The following AFAP1 variants were observed in gnomAD, a reference collection of about 807,000 sequenced individuals.
The protein encoded by AFAP1 is actin filament-associated protein 1.
A neutral mutation model predicts 93.9 loss-of-function variants in AFAP1; 75 were observed. The observed-to-expected ratio is 0.80, with a 90% confidence interval of 0.66 to 0.97. AFAP1 has a LOEUF of 0.97. Among genes scored for constraint, AFAP1 ranks in the 50% least tolerant of loss-of-function variants. AFAP1 has a pLI of 0.00. For missense variants in AFAP1, 1,201 were observed against 1,050.8 expected (o/e 1.14, Z -1.98); for synonymous variants, 517 against 430.7 (o/e 1.20, Z -2.48).
chr4:7,840,269 T>TGTGTGTGTGC (rs1553844352), intron 5 of AFAP1, among the ~76,000 whole-genome samples: 1,688 of 130,264 alleles, frequency 0.013, 44 homozygotes, highest in African/African-American at 0.043. Context: ...GGGATGTGTG[T>TGTGTGTGTGC]GTGTGTGTGT....
intron 9 of AFAP1, among the ~76,000 whole-genome samples, chr4:7,804,411 G>A (rs1719321091): frequency 6.6e-6 from 1 of 152,218 alleles, no homozygotes; most frequent in African/African-American, 2.4e-5. Context: ...AATGTTTTCT[G>A]CTAATTTCTG....
chr4:7,878,649 A>G (rs1484011436), intron 1 of AFAP1, among the ~76,000 whole-genome samples: 3 of 152,248 alleles, frequency 2.0e-5, no homozygotes, highest in African/African-American at 7.2e-5. Context: ...GCTACCGTTA[A>G]GTACTGACCA....
chr4:7,797,331 A>G (rs1718526880), intron 10 of AFAP1, among the ~76,000 whole-genome samples: 1 of 152,200 alleles, frequency 6.6e-6, no homozygotes, highest in South Asian at 2.1e-4. Flanking sequence ...ATCTTCCCAC[A>G]TGAGACTTAG....
rs537337056 is a variant in AFAP1 at position 7,888,552 on chromosome 4, G to A, written c.-2-16472C>T. Among the ~76,000 whole-genome samples, 8 of 152,204 alleles carry A rather than the reference G, an allele frequency of 5.3e-5. No homozygotes were observed. The East Asian group carries it at 7.7e-4, about 15-fold the overall frequency. ...TTAAAAGATGCAAACTTTCAGAAAC[G>A]GAAAAGAATAAACAGACTATCTGAA... is the stretch of plus-strand genomic sequence containing the variant. On this transcript the variant is annotated intron_variant, in intron 1 of 17. Coordinates refer to ENST00000420658, the MANE Select transcript of AFAP1 (RefSeq NM_001134647.2).
intron 1 of AFAP1, among the ~76,000 whole-genome samples, chr4:7,916,570 C>G (rs11932843): frequency 0.88 from 134,385 of 152,216 alleles, 59,561 homozygotes; most frequent in African/African-American, 0.96. Flanking sequence ...GCTGATTATA[C>G]GTGAAGCCCT....
Position 7,759,064 on chromosome 4 carries a change from ATAAT to A in AFAP1, c.*4697_*4700del, listed in dbSNP as rs1471653893. The A allele has an allele frequency of 6.5e-6, 1 of 152,690 alleles. No individual in the cohort carries two copies. Among genetic ancestry groups the A allele is most frequent in the Non-Finnish European group, 1.5e-5 (1 of 68,044 alleles). 9.5% of individuals were successfully genotyped at this position (152,690 alleles called of 1,614,324 possible). A position where few individuals can be genotyped will look rare whatever the true frequency, so the allele number is the denominator to read the frequency against. Reference sequence around the variant, plus strand: ...AGCTTTTAAAAAATACAATAAGGAAATAATTACATTCTTAATATGAAAACATTTT... The same window carrying A: ...AGCTTTTAAAAAATACAATAAGGAAATACATTCTTAATATGAAAACATTTT... On this transcript the variant is annotated 3_prime_UTR_variant, in exon 18 of 18. Coordinates refer to ENST00000420658, the MANE Select transcript of AFAP1 (RefSeq NM_001134647.2).
intron 1 of AFAP1, among the ~76,000 whole-genome samples, chr4:7,877,064 G>GGATGCTGCTGGA (rs1257346874): frequency 6.6e-6 from 1 of 152,132 alleles, no homozygotes; most frequent in Non-Finnish European, 1.5e-5. Flanking sequence ...TGTAGCAGCT[G>GGATGCTGCTGGA]TACTGATGAC....
At chr4:7,857,719 G>A (rs1006411564) in intron 3 of AFAP1, among the ~76,000 whole-genome samples, 9 of 152,232 alleles carry the variant, frequency 5.9e-5, no homozygotes, top group African/African-American at 2.2e-4. Flanking sequence ...TGAAACGCAG[G>A]GTATTCCAAA....
intron 1 of AFAP1, among the ~76,000 whole-genome samples, chr4:7,908,786 G>A (rs147392837): frequency 2.9e-4 from 44 of 152,348 alleles, no homozygotes; most frequent in African/African-American, 1.0e-3. Flanking sequence ...TCTGGATGAT[G>A]CATAGTTAAC....
chr4:7,902,384 T>G (rs1320074), intron 1 of AFAP1, among the ~76,000 whole-genome samples: 68,466 of 152,038 alleles, frequency 0.45, 18,008 homozygotes, highest in Non-Finnish European at 0.61. Context: ...TTCCTAAAAT[T>G]ATGGGTAATT....
Position 7,867,075 on chromosome 4 carries a change from A to AGGGAG in AFAP1, c.225+1542_225+1546dup, listed in dbSNP as rs1168858873. 4.3e-4 allele frequency among the ~76,000 whole-genome samples: 33 copies of AGGGAG among 77,556 alleles called. 1 individual carries two copies. In the East Asian group the frequency reaches 0.014, roughly 33 times the overall value. The allele number at this position is 77,556 out of a possible 152,430, so 50.9% of individuals were successfully genotyped here. On this transcript the variant is annotated intron_variant, in intron 3 of 17. Transcript: ENST00000420658. ...AGATGAAAGAGGGGAGGGGAGGAGA[A>AGGGAG]GGGAGGGGAGGAGAGGGGAGGAGAG...
intron 4 of AFAP1, among the ~76,000 whole-genome samples, chr4:7,846,054 A>G (rs1713655489): frequency 6.6e-6 from 1 of 152,208 alleles, no homozygotes; most frequent in Non-Finnish European, 1.5e-5. Flanking sequence ...GAGAAGGAGA[A>G]ACGCGATGAG....
At chr4:7,767,477 C>T (rs1413183549) in intron 17 of AFAP1, among the ~76,000 whole-genome samples, 2 of 152,168 alleles carry the variant, frequency 1.3e-5, no homozygotes, top group African/African-American at 2.4e-5. Flanking sequence ...TTCTAAACAT[C>T]CCCCAGGCAA....
chr4:7,935,635 T>A (rs910518043), intron 1 of AFAP1, among the ~76,000 whole-genome samples: 3 of 152,298 alleles, frequency 2.0e-5, no homozygotes, highest in Admixed American at 6.5e-5. Flanking sequence ...TACAGACTCA[T>A]AAGCTGACAA....
At chr4:7,918,506 G>T (rs1247905488) in intron 1 of AFAP1, among the ~76,000 whole-genome samples, 2 of 138,636 alleles carry the variant, frequency 1.4e-5, no homozygotes, top group African/African-American at 5.5e-5. Context: ...CCCGCAAACA[G>T]GGCTGCCGGA....
At chr4:7,912,096 T>C (rs1406981662) in intron 1 of AFAP1, among the ~76,000 whole-genome samples, 1 of 152,162 alleles carries the variant, frequency 6.6e-6, no homozygotes, top group Non-Finnish European at 1.5e-5. Context: ...GTATTATGCA[T>C]GATGGTGGTT....
At chr4:7,937,933 G>T (rs1721484768) in intron 1 of AFAP1, among the ~76,000 whole-genome samples, 1 of 152,306 alleles carries the variant, frequency 6.6e-6, no homozygotes, top group Admixed American at 6.5e-5. Flanking sequence ...TATTGAAAAA[G>T]GAGCTCGCAT....
intron 1 of AFAP1, among the ~76,000 whole-genome samples, chr4:7,928,491 G>A (rs960980185): frequency 3.3e-5 from 5 of 152,172 alleles, no homozygotes; most frequent in South Asian, 4.2e-4. Context: ...GGGTTCAAGC[G>A]ATTCTCCTGC....
intron 9 of AFAP1, among the ~76,000 whole-genome samples, chr4:7,807,888 C>T (rs949861215): frequency 2.0e-5 from 3 of 152,240 alleles, no homozygotes; most frequent in Non-Finnish European, 4.4e-5. Context: ...TCCTGACCAC[C>T]ATGGCCCATC....
Sources: allele counts gnomAD v4.1 joint callset (sites outside exome capture counted in the v4.1 genomes callset), GRCh38; gene constraint gnomAD v4.1.1; transcripts MANE v1.5; gene names NCBI Gene and HGNC (gene_info 2026-07-23, HGNC 2026-07-21).